The following CACNA1A variants were observed in gnomAD, a reference collection of about 807,000 sequenced individuals.
CACNA1A encodes the protein calcium voltage-gated channel subunit alpha1 A, also known as voltage-dependent P/Q-type calcium channel subunit alpha-1A.
Under a neutral mutation model 262.4 loss-of-function variants are expected in CACNA1A, and 57 were observed. That is an observed-to-expected ratio of 0.22 (90% CI 0.18 to 0.27). CACNA1A has a LOEUF of 0.27. Among genes scored for constraint, CACNA1A ranks in the 10% least tolerant of loss-of-function variants. The probability of loss-of-function intolerance (pLI) is 1.00; values close to 1 mark genes in which losing one functional copy is unlikely to be tolerated. For synonymous variants in CACNA1A, 1,431 were observed against 1,419.3 expected (o/e 1.01, Z -0.18); for missense variants, 2,526 against 3,562.8 (o/e 0.71, Z 7.41).
chr19:13,443,316 T>C (rs554943945), intron 3 of CACNA1A, among the ~76,000 whole-genome samples: 79 of 152,228 alleles, frequency 5.2e-4, no homozygotes, highest in African/African-American at 1.9e-3. Flanking sequence ...ATAGTATTTA[T>C]TTAACCTTGA....
In CACNA1A at chr19:13,208,003, G is replaced by A; in HGVS notation, c.6831C>T (p.Ser2277=). 1 of 1,327,152 alleles carries A rather than the reference G, an allele frequency of 7.5e-7. No homozygotes were observed. The highest frequency in any genetic ancestry group is 2.1e-5 in the South Asian group (1 of 46,870). The allele number at this position is 1,327,152 out of a possible 1,614,324, so 82.2% of individuals were successfully genotyped here. A position where few individuals can be genotyped will look rare whatever the true frequency, so the allele number is the denominator to read the frequency against. The change falls in exon 47 of 47, where the codon AGC becomes AGT. Residue 2277 remains serine, a synonymous_variant. Coordinates refer to ENST00000360228, the MANE Select transcript of CACNA1A (RefSeq NM_001127222.2). ...GSPAPSTSGT[S]TPRRGRRQLP... ...GCTGGCGGCGGCCCCGCCGCGGAGT[G>A]CTGGTACCAGATGTTGAGGGGGCTG...
intron 1 of CACNA1A, among the ~76,000 whole-genome samples, chr19:13,476,667 G>A (rs1228062397): frequency 1.3e-5 from 2 of 152,110 alleles, no homozygotes; most frequent in African/African-American, 2.4e-5. Flanking sequence ...TGTAGTAAGT[G>A]CTGTGGAATT....
intron 1 of CACNA1A, among the ~76,000 whole-genome samples, chr19:13,494,941 A>G (rs777263239): frequency 5.3e-5 from 8 of 152,284 alleles, no homozygotes; most frequent in East Asian, 3.9e-4. Flanking sequence ...GAGAAAAACC[A>G]TATCAATCAG....
chr19:13,264,319 ACATCCCGCCATCCATTCCTGGGTGC>A (rs2056812302), intron 24 of CACNA1A, among the ~76,000 whole-genome samples: 1 of 151,984 alleles, frequency 6.6e-6, no homozygotes, highest in South Asian at 2.1e-4. Context: ...ACCTTCCTTA[ACATCCCGCCATCCATTCCTGGGTGC>A]CATCCCCCCT....
At chr19:13,296,195 C>T (rs1367068764) in intron 19 of CACNA1A, among the ~76,000 whole-genome samples, 1 of 152,236 alleles carries the variant, frequency 6.6e-6, no homozygotes, top group Non-Finnish European at 1.5e-5. Context: ...TCCACTGAGT[C>T]CTTAGCCCTA....
chr19:13,413,193 G>A (rs958715431), intron 3 of CACNA1A, among the ~76,000 whole-genome samples: 5 of 150,684 alleles, frequency 3.3e-5, no homozygotes, highest in Admixed American at 6.6e-5. Context: ...TGCAAGCTCC[G>A]CCTCCCAGGT....
Position 13,207,990 on chromosome 19 carries a change from C to G in CACNA1A, c.6844G>C (p.Gly2282Arg), listed in dbSNP as rs1002068942. 5 of 1,334,016 alleles carry G rather than the reference C, an allele frequency of 3.7e-6. No homozygotes were observed. In the African/African-American group the frequency reaches 6.1e-5, roughly 16 times the overall value. 82.6% of individuals were successfully genotyped at this position (1,334,016 alleles called of 1,614,324 possible). The change falls in exon 47 of 47, where the codon GGC becomes CGC. Residue 2282 changes from glycine to arginine, a missense_variant. Transcript: ENST00000360228. This position sits in a 1 kb window ranked among gnomAD's most constrained non-coding sequence, Gnocchi z 5.7. The part of the protein sequence containing the change: ...STSGTSTPRR[G>R]RRQLPQTPST... ...GGGGTCTGGGGGAGCTGGCGGCGGCCCCGCCGCGGAGTGCTGGTACCAGAT... is the reference window on the plus strand; with the variant it reads ...GGGGTCTGGGGGAGCTGGCGGCGGCGCCGCCGCGGAGTGCTGGTACCAGAT...
chr19:13,472,177 C>T (rs1050260962), intron 1 of CACNA1A, among the ~76,000 whole-genome samples: 46 of 151,868 alleles, frequency 3.0e-4, no homozygotes, highest in Middle Eastern at 3.2e-3. Context: ...CCCTATGTTG[C>T]CCAGGCTGGT....
chr19:13,434,288 C>G (rs1021016303), intron 3 of CACNA1A, among the ~76,000 whole-genome samples: 4 of 152,172 alleles, frequency 2.6e-5, no homozygotes, highest in African/African-American at 9.7e-5. Flanking sequence ...TCCTGAATAG[C>G]TGGGACTACA....
intron 1 of CACNA1A, among the ~76,000 whole-genome samples, chr19:13,464,467 A>G (rs970820544): frequency 6.6e-6 from 1 of 152,028 alleles, no homozygotes; most frequent in African/African-American, 2.4e-5. Context: ...ACAGGATACA[A>G]TTTATCTCAT....
At chr19:13,413,571 TAAAA>T (rs58314938) in intron 3 of CACNA1A, among the ~76,000 whole-genome samples, 10 of 71,874 alleles carry the variant, frequency 1.4e-4, no homozygotes, top group African/African-American at 2.8e-4. Flanking sequence ...GGTCCTGTCT[TAAAA>T]AAAAAAAAAA....
chr19:13,489,734 C>T (rs1482385525), intron 1 of CACNA1A, among the ~76,000 whole-genome samples: 3 of 152,152 alleles, frequency 2.0e-5, no homozygotes, highest in Admixed American at 6.5e-5. Context: ...GTCTCCCCAA[C>T]GAATCCCTGC....
At chr19:13,262,920 C>T (rs1187626839) in intron 24 of CACNA1A, 87 bp from the exon 25 acceptor site, 6 of 844,186 alleles carry the variant, frequency 7.1e-6, no homozygotes, top group Non-Finnish European at 1.2e-5. Flanking sequence ...TCCATGGGAC[C>T]CTACCCTCCC....
intron 1 of CACNA1A, among the ~76,000 whole-genome samples, chr19:13,492,591 C>A (rs563581831): frequency 1.4e-4 from 22 of 152,204 alleles, no homozygotes; most frequent in African/African-American, 5.3e-4. Context: ...ATGCTCACTG[C>A]AGTGTGATCA....
chr19:13,259,763 T>C, intron 26 of CACNA1A, 62 bp from the exon 27 acceptor site: 1 of 1,576,336 alleles, frequency 6.3e-7, no homozygotes, highest in Non-Finnish European at 8.7e-7. Context: ...CACTTGTCTT[T>C]GGTTATCAGA....
chr19:13,328,678 A>T (rs2058411245), intron 10 of CACNA1A, among the ~76,000 whole-genome samples: 1 of 152,180 alleles, frequency 6.6e-6, no homozygotes. Flanking sequence ...GTTCTTCGTA[A>T]GAGAAATTAT....
chr19:13,461,371 A>G (rs924968273), intron 1 of CACNA1A, among the ~76,000 whole-genome samples: 1 of 151,918 alleles, frequency 6.6e-6, no homozygotes, highest in Non-Finnish European at 1.5e-5. Context: ...AAAACAAAAC[A>G]AAACAAAACA....
intron 30 of CACNA1A, among the ~76,000 whole-genome samples, chr19:13,250,801 G>C (rs2056374858): frequency 6.6e-6 from 1 of 152,162 alleles, no homozygotes; most frequent in African/African-American, 2.4e-5. Context: ...AATAGCAAGG[G>C]CTTCAAGGTT....
intron 25 of CACNA1A, 96 bp from the exon 26 acceptor site, chr19:13,261,706 T>G: frequency 8.4e-6 from 10 of 1,194,522 alleles, no homozygotes; most frequent in Non-Finnish European, 9.6e-6. Context: ...GCCATGATCA[T>G]TCCCATTTTA....
Sources: allele counts gnomAD v4.1 joint callset (sites outside exome capture counted in the v4.1 genomes callset), GRCh38; gene constraint gnomAD v4.1.1; non-coding constraint Gnocchi (gnomAD v3.1); transcripts MANE v1.5; gene names NCBI Gene and HGNC (gene_info 2026-07-23, HGNC 2026-07-21).